Variants in GSE1 observed in about 807,000 individuals in gnomAD.
GSE1 encodes the protein genetic suppressor element 1.
GSE1 carries 32 observed loss-of-function variants against 112.6 expected under a neutral mutation model. The observed-to-expected ratio is 0.28, with a 90% CI of 0.21 to 0.38. The LOEUF is 0.38. Ranked by LOEUF, GSE1 falls within the 10% of genes least tolerant of loss-of-function variation. The probability of loss-of-function intolerance (pLI) is 1.00; values close to 1 mark genes in which losing one functional copy is unlikely to be tolerated. For synonymous variants in GSE1, 1,115 were observed against 735.6 expected (o/e 1.52, Z -8.35); for missense variants, 2,348 against 1,699.2 (o/e 1.38, Z -6.71).
At chr16:85,660,163 A>G (rs1196020015) in intron 8 of GSE1, among the ~76,000 whole-genome samples, 1 of 152,248 alleles carries the variant, frequency 6.6e-6, no homozygotes, top group Non-Finnish European at 1.5e-5. Context: ...CCCAGTATAT[A>G]GAGTGGGTTT....
intron 1 of GSE1, among the ~76,000 whole-genome samples, chr16:85,200,875 A>T (rs1315396618): frequency 1.3e-5 from 2 of 152,194 alleles, no homozygotes; most frequent in East Asian, 3.9e-4. Context: ...TGTCCCCGGT[A>T]AACATGAACT....
chr16:85,568,573 AT>A (rs1423036775), intron 1 of GSE1, among the ~76,000 whole-genome samples: 2 of 152,184 alleles, frequency 1.3e-5, no homozygotes, highest in Non-Finnish European at 2.9e-5. Context: ...ATGAATATTC[AT>A]CGTTGACTTC....
intron 2 of GSE1, among the ~76,000 whole-genome samples, chr16:85,436,182 T>G (rs1332212250): frequency 6.6e-6 from 1 of 152,194 alleles, no homozygotes; most frequent in African/African-American, 2.4e-5. Context: ...CTTCCTGTTC[T>G]CTCCTCCAAA....
intron 2 of GSE1, among the ~76,000 whole-genome samples, chr16:85,485,750 C>G (rs1307215054): frequency 6.6e-6 from 1 of 152,218 alleles, no homozygotes; most frequent in Non-Finnish European, 1.5e-5. Context: ...TGGGCCGCCT[C>G]GCTCCTGGGG....
intron 1 of GSE1, among the ~76,000 whole-genome samples, chr16:85,301,186 A>G (rs1363498820): frequency 3.3e-5 from 5 of 152,334 alleles, no homozygotes; most frequent in Admixed American, 1.3e-4. Context: ...AGCCCACTGC[A>G]GGCATGTTTA....
chr16:85,403,566 G>T (rs2048169612), intron 2 of GSE1, among the ~76,000 whole-genome samples: 1 of 152,128 alleles, frequency 6.6e-6, no homozygotes, highest in Non-Finnish European at 1.5e-5. Flanking sequence ...GAGGTGGGAG[G>T]ATCACTTGAG....
At chr16:85,365,108 G>A (rs937734062) in intron 2 of GSE1, among the ~76,000 whole-genome samples, 2 of 152,308 alleles carry the variant, frequency 1.3e-5, no homozygotes, top group East Asian at 3.9e-4. Context: ...GGGGTGGGAA[G>A]CCCCTTACTT....
rs2049097689 is a variant in GSE1 at position 85,430,647 on chromosome 16, A to G, written c.2464+73004A>G. 2.0e-5 allele frequency among the ~76,000 whole-genome samples: 3 copies of G among 152,044 alleles called. No homozygotes were observed. The South Asian group carries it at 6.2e-4, about 32-fold the overall frequency. ...GCATGGAACGGGGACGCCTGGTGCC[A>G]CCCCCAGAGGCTCTGGCTTGATAGT... On this transcript the variant is annotated intron_variant, in intron 2 of 2. Transcript: ENST00000637419.
chr16:85,614,995 T>C (rs943401418), intron 1 of GSE1, among the ~76,000 whole-genome samples: 1 of 152,168 alleles, frequency 6.6e-6, no homozygotes, highest in African/African-American at 2.4e-5. Flanking sequence ...ATGTGCCCCC[T>C]GGTCGGCCGT....
At chr16:85,460,911 A>G (rs2049951691) in intron 2 of GSE1, among the ~76,000 whole-genome samples, 2 of 152,214 alleles carry the variant, frequency 1.3e-5, no homozygotes, top group Non-Finnish European at 2.9e-5. Flanking sequence ...CTGATGACAG[A>G]TGGGAAAGGG....
intron 1 of GSE1, among the ~76,000 whole-genome samples, chr16:85,192,986 G>T (rs2074854870): frequency 6.6e-6 from 1 of 152,240 alleles, no homozygotes; most frequent in African/African-American, 2.4e-5. Context: ...CAGGAGGGCT[G>T]TTGGAGGGGG....
At chr16:85,279,304 C>T (rs989144202) in intron 1 of GSE1, among the ~76,000 whole-genome samples, 1 of 152,210 alleles carries the variant, frequency 6.6e-6, no homozygotes, top group African/African-American at 2.4e-5. Flanking sequence ...CCGCTACAAG[C>T]TCATTTAAGG....
chr16:85,425,528 T>C (rs2035489), intron 2 of GSE1, among the ~76,000 whole-genome samples: 107,896 of 152,098 alleles, frequency 0.71, 40,903 homozygotes, highest in Non-Finnish European at 0.84. Context: ...GGTCTCCTCC[T>C]AGCGGGATTT....
intron 2 of GSE1, among the ~76,000 whole-genome samples, chr16:85,388,270 G>A (rs62648809): frequency 0.99 from 83,876 of 84,460 alleles, 41,656 homozygotes; most frequent in African/African-American, 0.99. Context: ...ATGGCTGGAT[G>A]GATGGGTGAG....
chr16:85,632,934 G>A lies in GSE1; in HGVS notation c.8-980G>A, dbSNP rs147320141. 7.7e-3 allele frequency among the ~76,000 whole-genome samples: 1,177 copies of A among 152,322 alleles called. 18 individuals are homozygous for A. The highest frequency in any genetic ancestry group is 0.027 in the African/African-American group (1,136 of 41,560). On this transcript the variant is annotated intron_variant, in intron 1 of 15. Coordinates refer to ENST00000253458, the MANE Select transcript of GSE1 (RefSeq NM_014615.5). ...GACACACGGGGTGGGCGGACTGAGG[G>A]CTTGTTTGGAGGTGGCCATGTCCTT...
chr16:85,310,034 T>C (rs1467473860), intron 1 of GSE1, among the ~76,000 whole-genome samples: 1 of 152,256 alleles, frequency 6.6e-6, no homozygotes, highest in Non-Finnish European at 1.5e-5. Context: ...CCAGCGCCTG[T>C]CAGTCGGCCC....
intron 1 of GSE1, chr16:85,580,102 C>G (rs967236977): frequency 6.6e-6 from 1 of 152,264 alleles, no homozygotes; most frequent in Admixed American, 6.5e-5. Context: ...CAGAGAGGGC[C>G]TCTTCTCTCT....
intron 1 of GSE1, among the ~76,000 whole-genome samples, chr16:85,333,763 C>A (rs982869927): frequency 6.6e-6 from 1 of 152,150 alleles, no homozygotes; most frequent in Non-Finnish European, 1.5e-5. Flanking sequence ...TTCCGGAGCA[C>A]CCGCCATCTC....
chr16:85,206,748 A>G (rs751488280), intron 1 of GSE1, among the ~76,000 whole-genome samples: 58 of 152,100 alleles, frequency 3.8e-4, no homozygotes, highest in Non-Finnish European at 6.2e-4. Flanking sequence ...TCTTGGAGAA[A>G]GGGGGAAGCT....
Sources: allele counts gnomAD v4.1 joint callset (sites outside exome capture counted in the v4.1 genomes callset), GRCh38; gene constraint gnomAD v4.1.1; transcripts MANE v1.5; gene names NCBI Gene and HGNC (gene_info 2026-07-23, HGNC 2026-07-21).